Variants in IQSEC1 observed in about 807,000 individuals in gnomAD.
IQSEC1 encodes IQ motif and SEC7 domain-containing protein 1.
IQSEC1 carries 31 observed loss-of-function variants against 91.0 expected under a neutral mutation model. The observed-to-expected ratio is 0.34, with a 90% CI of 0.26 to 0.46. The LOEUF is 0.46. Ranked by LOEUF, IQSEC1 falls within the 20% of genes least tolerant of loss-of-function variation. The pLI, the probability that IQSEC1 is intolerant of heterozygous loss-of-function variation, is 1.00. For synonymous variants in IQSEC1, 699 were observed against 662.6 expected (o/e 1.05, Z -0.84); for missense variants, 1,388 against 1,575.6 (o/e 0.88, Z 2.02).
intron 1 of IQSEC1, among the ~76,000 whole-genome samples, chr3:13,001,256 C>T (rs528022919): frequency 3.2e-4 from 49 of 152,272 alleles, no homozygotes; most frequent in Non-Finnish European, 5.7e-4. Context: ...CCACCATGCC[C>T]GATCCTAAGT....
chr3:12,939,636 C>T (rs1698567606), intron 2 of IQSEC1, among the ~76,000 whole-genome samples: 1 of 152,150 alleles, frequency 6.6e-6, no homozygotes, highest in African/African-American at 2.4e-5. Flanking sequence ...CTTGATGTCG[C>T]CTCCTCCCTC....
At chr3:13,273,145 A>G (rs1174827179) in intron 1 of IQSEC1, among the ~76,000 whole-genome samples, 1 of 152,188 alleles carries the variant, frequency 6.6e-6, no homozygotes, top group African/African-American at 2.4e-5. Context: ...CACAGGCCAG[A>G]GAAGACAAAG....
At chr3:13,249,629 G>A (rs556449107) in intron 1 of IQSEC1, among the ~76,000 whole-genome samples, 6 of 152,160 alleles carry the variant, frequency 3.9e-5, no homozygotes, top group Admixed American at 2.6e-4. Context: ...GCTTGGGTTC[G>A]AATACCAGCT....
chr3:12,914,972 C>T (rs1448744543), intron 8 of IQSEC1, 132 bp downstream of exon 8: 2 of 849,532 alleles, frequency 2.4e-6, no homozygotes, highest in African/African-American at 1.7e-5. Context: ...ATCTGATTCT[C>T]AGCACCCCAG....
chr3:13,240,651 C>T (rs757678411), intron 1 of IQSEC1, among the ~76,000 whole-genome samples: 2 of 152,198 alleles, frequency 1.3e-5, no homozygotes, highest in Non-Finnish European at 2.9e-5. Flanking sequence ...TCCCACAGAA[C>T]ATCCTGAGAG....
At chr3:13,025,822 T>C (rs1030902526) in intron 1 of IQSEC1, among the ~76,000 whole-genome samples, 3 of 152,160 alleles carry the variant, frequency 2.0e-5, no homozygotes, top group Non-Finnish European at 4.4e-5. Flanking sequence ...ATGCTGACCG[T>C]CACCCACAGG....
intron 2 of IQSEC1, among the ~76,000 whole-genome samples, chr3:13,141,148 T>G (rs750192548): frequency 2.6e-5 from 4 of 152,166 alleles, no homozygotes; most frequent in Non-Finnish European, 5.9e-5. Flanking sequence ...CTGGTCCTAG[T>G]GAGGAGAACA....
In IQSEC1 at chr3:12,901,289, C is replaced by T. The variant is rs573868764; in HGVS notation, c.3039G>A (p.Leu1013=). The T allele has an allele frequency of 2.0e-4, 311 of 1,546,348 alleles. 1 individual carries two copies. The African/African-American group carries it at 3.9e-3, about 19-fold the overall frequency. ...CCTGCGGCAGCCCCTCTGGGGGCCC[C>T]AGGTGGTGGCCAGCCACAGAGTGCT... The part of the protein sequence containing the change: ...HLQHSVAGHH[L]GPPEGLPQAA... Residue 1013 remains leucine (L), a synonymous_variant, in exon 14 of 14, where the codon CTG becomes CTA. Coordinates refer to ENST00000613206, the MANE Select transcript of IQSEC1 (RefSeq NM_001134382.3).
intron 1 of IQSEC1, among the ~76,000 whole-genome samples, chr3:12,968,848 G>C (rs1352465267): frequency 6.6e-6 from 1 of 152,232 alleles, no homozygotes; most frequent in Non-Finnish European, 1.5e-5. Context: ...AGCCATCAAG[G>C]CAGGGGCATT....
intron 1 of IQSEC1, among the ~76,000 whole-genome samples, chr3:13,240,189 G>A (rs1440974293): frequency 6.6e-6 from 1 of 151,806 alleles, no homozygotes; most frequent in African/African-American, 2.4e-5. Context: ...GACCAGCCTG[G>A]GCAACATAGC....
At chr3:13,065,983 A>C (rs1411869614) in intron 1 of IQSEC1, among the ~76,000 whole-genome samples, 1 of 152,216 alleles carries the variant, frequency 6.6e-6, no homozygotes, top group Non-Finnish European at 1.5e-5. Context: ...CCAGTCAGGA[A>C]AGGACAAATG....
Position 12,911,702 on chromosome 3 carries a change from C to G in IQSEC1, c.2343G>C (p.Lys781Asn), listed in dbSNP as rs967292167. 3 of 1,612,794 alleles carry G rather than the reference C, an allele frequency of 1.9e-6. No homozygotes were observed. The highest frequency in any genetic ancestry group is 2.5e-6 in the Non-Finnish European group (3 of 1,179,540). Residue 781 changes from lysine to asparagine, a missense_variant, in exon 10 of 14, where the codon AAG becomes AAC. By Grantham distance (94) the Lys-to-Asn change is moderately conservative. Around this residue, in one of 2 missense-constraint regions of IQSEC1, gnomAD observed 1,059 missense variants for 1,317.8 expected, o/e 0.80. Transcript: ENST00000613206. ...LVVTKIFQKKKNSVTYSFRQS... is the reference protein window; with the variant it reads ...LVVTKIFQKKNNSVTYSFRQS... Reference sequence around the variant, plus strand: ...GTCGGAAGCTGTACGTCACCGAGTTCTTCTTCTTCTGGAAGATCTTGGTGA... The same window carrying G: ...GTCGGAAGCTGTACGTCACCGAGTTGTTCTTCTTCTGGAAGATCTTGGTGA...
At chr3:13,276,973 C>T (rs2125153466) in intron 1 of IQSEC1, among the ~76,000 whole-genome samples, 1 of 152,184 alleles carries the variant, frequency 6.6e-6, no homozygotes, top group East Asian at 1.9e-4. Flanking sequence ...TCCCTCTCCC[C>T]TATTCCAGTT....
intron 1 of IQSEC1, among the ~76,000 whole-genome samples, chr3:13,036,039 G>T (rs1462944219): frequency 2.6e-5 from 4 of 152,182 alleles, no homozygotes; most frequent in African/African-American, 9.7e-5. Context: ...GGCAGGTGAG[G>T]CTTCCTAGGA....
At chr3:12,985,779 G>C (rs368081245) in intron 1 of IQSEC1, among the ~76,000 whole-genome samples, 1 of 152,172 alleles carries the variant, frequency 6.6e-6, no homozygotes, top group Non-Finnish European at 1.5e-5. Flanking sequence ...ATGTTTCTAG[G>C]GGGGCACATA....
intron 1 of IQSEC1, among the ~76,000 whole-genome samples, chr3:12,955,080 G>A (rs2125443837): frequency 6.6e-6 from 1 of 152,354 alleles, no homozygotes; most frequent in South Asian, 2.1e-4. Flanking sequence ...TGACTCTGGA[G>A]CTGTGTCCAC....
intron 3 of IQSEC1, among the ~76,000 whole-genome samples, chr3:12,934,811 G>A (rs1381000638): frequency 1.3e-5 from 2 of 152,040 alleles, no homozygotes; most frequent in Admixed American, 1.3e-4. Context: ...GGACCCCCTT[G>A]GGGAGCAGCT....
chr3:12,920,825 T>G (rs1177669924), intron 5 of IQSEC1, among the ~76,000 whole-genome samples: 1 of 152,166 alleles, frequency 6.6e-6, no homozygotes, highest in African/African-American at 2.4e-5. Flanking sequence ...TGGGGAGGAC[T>G]ACATTTCCCA....
At chr3:13,030,043 A>C (rs1054669796) in intron 1 of IQSEC1, among the ~76,000 whole-genome samples, 1 of 152,110 alleles carries the variant, frequency 6.6e-6, no homozygotes, top group African/African-American at 2.4e-5. Context: ...GCCTCAAGTA[A>C]TCTTCCCATC....
Sources: allele counts gnomAD v4.1 joint callset (sites outside exome capture counted in the v4.1 genomes callset), GRCh38; gene constraint gnomAD v4.1.1; regional missense constraint gnomAD v4.1.1; transcripts MANE v1.5; gene names NCBI Gene and HGNC (gene_info 2026-07-23, HGNC 2026-07-21).